Variants in KALRN observed in about 807,000 individuals in gnomAD.
KALRN encodes kalirin RhoGEF kinase.
A neutral mutation model predicts 353.7 loss-of-function variants in KALRN; 70 were observed. The observed-to-expected ratio is 0.20, with a 90% CI of 0.16 to 0.24. The LOEUF is 0.24. Ranked by LOEUF, KALRN falls within the 10% of genes least tolerant of loss-of-function variation. The pLI is 1.00. For missense variants in KALRN, 2,791 were observed against 3,756.7 expected (o/e 0.74, Z 6.72); for synonymous variants, 1,391 against 1,434.8 (o/e 0.97, Z 0.69).
intron 26 of KALRN, among the ~76,000 whole-genome samples, chr3:124,475,256 T>C (rs2061333888): frequency 6.6e-6 from 1 of 152,190 alleles, no homozygotes; most frequent in Non-Finnish European, 1.5e-5. Context: ...TCTTCTTTAA[T>C]AGGGAAAAAC....
intron 10 of KALRN, among the ~76,000 whole-genome samples, chr3:124,351,284 T>C (rs764004114): frequency 2.6e-5 from 4 of 152,138 alleles, no homozygotes; most frequent in Non-Finnish European, 5.9e-5. Flanking sequence ...TTTGTTTGGG[T>C]TGCTGTTTAT....
rs573463181 is a variant in KALRN, at chr3:124,259,133, G to A, written c.264-5365G>A. On this transcript the variant is annotated intron_variant, in intron 3 of 59. Transcript: ENST00000682506. ...AGGATAGGTGAAGACTTCAGGTGAA[G>A]TCTAGCTGGAGCCTTCTGGGGAGAC... Among the ~76,000 whole-genome samples, 60 of 152,332 alleles carry A rather than the reference G, an allele frequency of 3.9e-4. 1 individual carries two copies. The South Asian group carries it at 0.012, about 32-fold the overall frequency.
At chr3:124,495,612 C>T (rs2063618897) in intron 32 of KALRN, among the ~76,000 whole-genome samples, 1 of 150,466 alleles carries the variant, frequency 6.6e-6, no homozygotes, top group Admixed American at 6.7e-5. Context: ...ATGGCAGGCA[C>T]GTGGAAACCC....
Position 124,712,984 on chromosome 3 carries a change from G to T in KALRN, c.8125G>T (p.Asp2709Tyr), listed in dbSNP as rs2062965553. 1 of 1,614,072 alleles carries T rather than the reference G, an allele frequency of 6.2e-7. No homozygotes were observed. The highest frequency in any genetic ancestry group is 8.5e-7 in the Non-Finnish European group (1 of 1,179,992). Residue 2709 changes from aspartate to tyrosine, a missense_variant, in exon 58 of 60, where the codon GAT becomes TAT. Asp to Tyr is a radical substitution (Grantham distance 160). This residue lies in a region of KALRN where 188 missense variants were observed against 402.9 expected (regional missense o/e 0.47). Transcript: ENST00000682506. ...KKCIHKATRK[D>Y]VAVKFVSKKM... Reference sequence around the variant, plus strand: ...ATGCATTCACAAAGCTACCCGCAAAGATGTGGCTGTGAAATTTGTTAGCAA... The same window carrying T: ...ATGCATTCACAAAGCTACCCGCAAATATGTGGCTGTGAAATTTGTTAGCAA...
rs781170729 is a variant in KALRN, at chr3:124,491,349, C to T, written c.4614C>T (p.His1538=). 5.2e-5 allele frequency: 83 copies of T among 1,608,536 alleles called. No individual in the cohort carries two copies. Among genetic ancestry groups the T allele is most frequent in the East Asian group, 4.5e-5 (2 of 44,570 alleles). The change falls in exon 31 of 60, where the codon CAC becomes CAT. Residue 1538 remains histidine, a synonymous_variant. Coordinates refer to ENST00000682506, the MANE Select transcript of KALRN (RefSeq NM_001388419.1). ...CCTCAGAGCTGGGTGTGACCGAGCA[C>T]GTGGAGGGCGATCCCTGCAAATTCG... The part of the protein sequence containing the change: ...LLTSELGVTE[H]VEGDPCKFAL...
At chr3:124,626,257 A>T (rs2079937092) in intron 34 of KALRN, among the ~76,000 whole-genome samples, 1 of 152,252 alleles carries the variant, frequency 6.6e-6, no homozygotes, top group Non-Finnish European at 1.5e-5. Flanking sequence ...AACAACATGG[A>T]TAAGAAAGAT....
At position 124,368,302 on chromosome 3, in the gene KALRN, A is replaced by T. The variant is rs1400741735; in HGVS notation, c.1771-16543A>T. Among the ~76,000 whole-genome samples the T allele has an allele frequency of 6.4e-5, 9 of 139,562 alleles. No individual in the cohort carries two copies. In the South Asian group the frequency reaches 2.0e-3, roughly 31 times the overall value. The allele number at this position is 139,562 out of a possible 152,430, so 91.6% of individuals were successfully genotyped here. ...CGGGCGGAGACGCTCCTCACTTCCC[A>T]GATGGGGTGGCTGCCGGGCGGAGGG... On this transcript the variant is annotated intron_variant, in intron 10 of 59. Coordinates refer to ENST00000682506, the MANE Select transcript of KALRN (RefSeq NM_001388419.1).
At position 124,491,306 on chromosome 3, in the gene KALRN, G is replaced by A. The variant is rs1317753176; in HGVS notation, c.4588-17G>A. The A allele has an allele frequency of 1.9e-6, 3 of 1,552,068 alleles. No individual in the cohort carries two copies. Among genetic ancestry groups the A allele is most frequent in the Admixed American group, 1.9e-5 (1 of 51,934 alleles). On this transcript the variant is annotated splice_polypyrimidine_tract_variant and intron_variant, in intron 30 of 59. Coordinates refer to ENST00000682506, the MANE Select transcript of KALRN (RefSeq NM_001388419.1). ...CCCTCCCCTTCCCCGCCTCTCATAG[G>A]CATTTCCTGTCTACAGACCTCAGAG... is the stretch of plus-strand genomic sequence containing the variant.
intron 33 of KALRN, among the ~76,000 whole-genome samples, chr3:124,559,733 C>A (rs2071711714): frequency 6.6e-6 from 1 of 152,242 alleles, no homozygotes; most frequent in Non-Finnish European, 1.5e-5. Context: ...GTTGCAGGAG[C>A]AGCTCTGCCT....
At chr3:124,564,086 T>G (rs2072431382) in intron 34 of KALRN, among the ~76,000 whole-genome samples, 1 of 148,900 alleles carries the variant, frequency 6.7e-6, no homozygotes. Context: ...ACGCCTGTAG[T>G]CCCAGCTACT....
At chr3:124,357,195 C>T (rs942785501) in intron 10 of KALRN, among the ~76,000 whole-genome samples, 2 of 152,322 alleles carry the variant, frequency 1.3e-5, no homozygotes, top group South Asian at 2.1e-4. Context: ...CTGCCTCTTT[C>T]GTGTGTTTCT....
chr3:124,433,069 G>A (rs1364249463), intron 16 of KALRN, among the ~76,000 whole-genome samples: 1 of 152,074 alleles, frequency 6.6e-6, no homozygotes, highest in African/African-American at 2.4e-5. Flanking sequence ...AATATGCCAG[G>A]GAAGATAAGC....
intron 27 of KALRN, 51 bp from the exon 28 acceptor site, chr3:124,482,757 A>T: frequency 2.5e-6 from 3 of 1,213,940 alleles, no homozygotes; most frequent in Non-Finnish European, 3.7e-6. Context: ...GAGTTCACAC[A>T]CATGCACACA....
intron 19 of KALRN, among the ~76,000 whole-genome samples, chr3:124,442,672 A>T (rs998694633): frequency 6.6e-6 from 1 of 152,174 alleles, no homozygotes; most frequent in Non-Finnish European, 1.5e-5. Flanking sequence ...CATCCCTAGG[A>T]GAGTGTATGA....
At chr3:124,609,051 G>A (rs1189190053) in intron 34 of KALRN, among the ~76,000 whole-genome samples, 1 of 152,168 alleles carries the variant, frequency 6.6e-6, no homozygotes, top group African/African-American at 2.4e-5. Flanking sequence ...CTGAAGAAAG[G>A]TCATGTGGGC....
intron 34 of KALRN, among the ~76,000 whole-genome samples, chr3:124,579,772 T>C (rs1239083647): frequency 2.6e-5 from 4 of 152,182 alleles, no homozygotes; most frequent in African/African-American, 9.7e-5. Context: ...AGAAATCTTG[T>C]TGAAAGGGAT....
chr3:124,112,502 C>T (rs1559982899), intron 1 of KALRN, among the ~76,000 whole-genome samples: 1 of 152,076 alleles, frequency 6.6e-6, no homozygotes, highest in Non-Finnish European at 1.5e-5. Context: ...GAAACCAGAT[C>T]CTCCTGTTTG....
rs2059198951 is a variant in KALRN, at chr3:124,455,351, A to C, written c.3727A>C (p.Asn1243His). The change falls in exon 22 of 60, where the codon AAC (asparagine) becomes CAC (histidine). Residue 1243 changes from asparagine to histidine, a missense_variant. By Grantham distance (68) the Asn-to-His change is moderately conservative. Transcript: ENST00000682506. Reference sequence around the variant, plus strand: ...CTCACTGGAGAAAGCCCTAGGAGTCAACACAGAGGTAGGCAGGGGTATTGT... The same window carrying C: ...CTCACTGGAGAAAGCCCTAGGAGTCCACACAGAGGTAGGCAGGGGTATTGT... ...RYSLEKALGV[N>H]TEDNKDLELD... 1 of 1,613,966 alleles carries C rather than the reference A, an allele frequency of 6.2e-7. No individual in the cohort carries two copies. Among genetic ancestry groups the C allele is most frequent in the Admixed American group, 1.7e-5 (1 of 60,002 alleles).
At chr3:124,328,398 G>A (rs927450289) in intron 7 of KALRN, among the ~76,000 whole-genome samples, 1 of 152,126 alleles carries the variant, frequency 6.6e-6, no homozygotes, top group African/African-American at 2.4e-5. Flanking sequence ...TCTCCTTGAG[G>A]TGATCGTTTT....
Sources: gnomAD v4.1 joint callset for allele counts (sites outside exome capture counted in the v4.1 genomes callset) on GRCh38, gnomAD v4.1.1 for gene constraint, gnomAD v4.1.1 regional missense constraint, MANE v1.5 for transcripts, NCBI Gene and HGNC (gene_info 2026-07-23, HGNC 2026-07-21) for gene names.